AUTS2: variants seen among roughly 807,000 people sequenced by gnomAD.
The protein encoded by AUTS2 is autism susceptibility gene 2 protein.
A neutral mutation model predicts 112.4 loss-of-function variants in AUTS2; 17 were observed. The ratio of observed to expected loss-of-function variants is 0.15; its 90% CI spans 0.10 to 0.23. The LOEUF is 0.23. AUTS2 is among the 10% of genes least tolerant of loss of function. The pLI is 1.00. For missense variants in AUTS2, 1,510 were observed against 1,701.6 expected, an observed-to-expected ratio of 0.89 and a Z score of 1.98; for synonymous variants, 751 against 702.7, an observed-to-expected ratio of 1.07 and a Z score of -1.09.
At chr7:69,904,893 C>T (rs1319926245) in intron 2 of AUTS2, among the ~76,000 whole-genome samples, 2 of 152,146 alleles carry the variant, frequency 1.3e-5, no homozygotes, top group Non-Finnish European at 2.9e-5. Context: ...TATTGATTGA[C>T]TTGAATAAGA....
intron 2 of AUTS2, among the ~76,000 whole-genome samples, chr7:69,926,677 G>T (rs1338925344): frequency 6.7e-6 from 1 of 150,292 alleles, no homozygotes; most frequent in Non-Finnish European, 1.5e-5. Flanking sequence ...AAGTATTTAA[G>T]ATTTCATTTT....
At chr7:70,393,974 C>T (rs1357997229) in intron 4 of AUTS2, among the ~76,000 whole-genome samples, 1 of 152,206 alleles carries the variant, frequency 6.6e-6, no homozygotes, top group Non-Finnish European at 1.5e-5. Flanking sequence ...GGGTTGGGAA[C>T]CTGCTCTATT....
intron 1 of AUTS2, among the ~76,000 whole-genome samples, chr7:69,714,689 G>T (rs950855672): frequency 6.6e-6 from 1 of 151,916 alleles, no homozygotes; most frequent in Non-Finnish European, 1.5e-5. Context: ...TCTTCTACTG[G>T]TTCCTTTACC....
intron 1 of AUTS2, among the ~76,000 whole-genome samples, chr7:69,606,913 G>A (rs1792762329): frequency 6.6e-6 from 1 of 152,218 alleles, no homozygotes; most frequent in Middle Eastern, 3.2e-3. Flanking sequence ...GACCCTAAGT[G>A]TGTCTTCTTT....
intron 1 of AUTS2, among the ~76,000 whole-genome samples, chr7:69,662,820 C>T (rs1795865899): frequency 6.6e-6 from 1 of 152,152 alleles, no homozygotes; most frequent in South Asian, 2.1e-4. Flanking sequence ...TGAGGTCGCT[C>T]CCAACCCTTA....
At position 69,998,979 on chromosome 7, in the gene AUTS2, G is replaced by A. The variant is rs115615948; in HGVS notation, c.522+99481G>A. The stretch of plus-strand genomic sequence containing the variant: ...GTGTCAAGTTCCTGGAGTGTTTGAG[G>A]CTTTAGCGAGGAGGTCTGAGTGCTA... On this transcript the variant is annotated intron_variant, in intron 2 of 18. Coordinates refer to ENST00000342771, the MANE Select transcript of AUTS2 (RefSeq NM_015570.4). 4.1e-3 allele frequency among the ~76,000 whole-genome samples: 628 copies of A among 152,272 alleles called. 5 individuals are homozygous for A. The highest frequency in any genetic ancestry group is 0.014 in the African/African-American group (580 of 41,550).
At chr7:70,530,188 C>T (rs1474087234) in intron 5 of AUTS2, among the ~76,000 whole-genome samples, 1 of 151,968 alleles carries the variant, frequency 6.6e-6, no homozygotes, top group Non-Finnish European at 1.5e-5. Flanking sequence ...GGGAGTTTTG[C>T]GTTGTGCTGT....
intron 5 of AUTS2, among the ~76,000 whole-genome samples, chr7:70,648,912 A>G (rs1456334200): frequency 6.6e-6 from 1 of 152,204 alleles, no homozygotes; most frequent in African/African-American, 2.4e-5. Flanking sequence ...TTAAGAGTTC[A>G]TAGTAACAGG....
chr7:69,780,916 C>T (rs1789118542), intron 1 of AUTS2, among the ~76,000 whole-genome samples: 1 of 152,218 alleles, frequency 6.6e-6, no homozygotes, highest in African/African-American at 2.4e-5. Flanking sequence ...GGTCAACTTG[C>T]ATACTGATTT....
At chr7:70,776,297 C>G (rs965968293) in intron 13 of AUTS2, among the ~76,000 whole-genome samples, 1 of 152,152 alleles carries the variant, frequency 6.6e-6, no homozygotes, top group Non-Finnish European at 1.5e-5. Flanking sequence ...GATTACTTAG[C>G]AGAAATGAAG....
chr7:70,059,358 GAGT>G (rs1342944603), intron 2 of AUTS2, among the ~76,000 whole-genome samples: 6 of 152,128 alleles, frequency 3.9e-5, no homozygotes, highest in Non-Finnish European at 8.8e-5. Flanking sequence ...TCTTAGCACT[GAGT>G]AGTACATTGC....
At chr7:70,085,555 C>CA (rs1255598607) in intron 2 of AUTS2, among the ~76,000 whole-genome samples, 1 of 151,986 alleles carries the variant, frequency 6.6e-6, no homozygotes, top group Admixed American at 6.6e-5. Context: ...TTAGTAGAGA[C>CA]AGGGTTTCAC....
intron 5 of AUTS2, among the ~76,000 whole-genome samples, chr7:70,438,797 T>C (rs533472408): frequency 6.6e-6 from 1 of 152,290 alleles, no homozygotes; most frequent in South Asian, 2.1e-4. Context: ...CGAATCTGAA[T>C]TGCTAATGGT....
intron 5 of AUTS2, among the ~76,000 whole-genome samples, chr7:70,656,076 AAATATTTATATATAAATAAAT>A (rs1324112533): frequency 2.6e-5 from 4 of 151,932 alleles, no homozygotes; most frequent in African/African-American, 9.7e-5. Flanking sequence ...ATATTTATGG[AAATATTTATATATAAATAAAT>A]AATATTTATA....
chr7:69,857,710 G>A (rs1465149206), intron 1 of AUTS2, among the ~76,000 whole-genome samples: 2 of 151,960 alleles, frequency 1.3e-5, no homozygotes, highest in Non-Finnish European at 2.9e-5. Flanking sequence ...AGACATTCCC[G>A]GGAGGCTGAG....
intron 1 of AUTS2, among the ~76,000 whole-genome samples, chr7:69,636,726 T>TA (rs1243827380): frequency 6.6e-6 from 1 of 152,026 alleles, no homozygotes; most frequent in African/African-American, 2.4e-5. Context: ...TTTTCCTACT[T>TA]AATAAGATGG....
At chr7:70,311,579 TAC>T (rs1789753665) in intron 4 of AUTS2, among the ~76,000 whole-genome samples, 2 of 152,308 alleles carry the variant, frequency 1.3e-5, no homozygotes, top group South Asian at 2.1e-4. Context: ...TGTTTTTTGT[TAC>T]AGTCTCGTTC....
intron 1 of AUTS2, among the ~76,000 whole-genome samples, chr7:69,796,814 A>G (rs1442700640): frequency 6.6e-6 from 1 of 152,228 alleles, no homozygotes; most frequent in Non-Finnish European, 1.5e-5. Flanking sequence ...ATAATTAAGA[A>G]TATCAATTAT....
intron 4 of AUTS2, among the ~76,000 whole-genome samples, chr7:70,303,436 A>ACACG (rs1414315566): frequency 4.8e-5 from 5 of 105,152 alleles, no homozygotes; most frequent in African/African-American, 1.8e-4. Flanking sequence ...GCGCGCGCGC[A>ACACG]CATACACACA....
Sources: gnomAD v4.1 joint callset for allele counts (sites outside exome capture counted in the v4.1 genomes callset) on GRCh38, gnomAD v4.1.1 for gene constraint, MANE v1.5 for transcripts, NCBI Gene and HGNC (gene_info 2026-07-23, HGNC 2026-07-21) for gene names.